Variants in LRRFIP1 observed in about 807,000 individuals in gnomAD.
LRRFIP1 encodes leucine-rich repeat flightless-interacting protein 1.
In LRRFIP1, 62 loss-of-function variants were observed where a neutral mutation model predicts 104.4. The observed-to-expected ratio is 0.59, with a 90% CI of 0.48 to 0.73. The LOEUF is 0.73. Among genes scored for constraint, LRRFIP1 ranks in the 30% least tolerant of loss-of-function variants. LRRFIP1 has a pLI of 0.00. For missense variants in LRRFIP1, 796 were observed against 824.5 expected (o/e 0.97, Z 0.42); for synonymous variants, 300 against 299.0 (o/e 1.00, Z -0.03).
intron 6 of LRRFIP1, chr2:237,721,472 T>C (rs1364256879): frequency 1.3e-5 from 2 of 152,188 alleles, no homozygotes; most frequent in African/African-American, 2.4e-5. Context: ...GGAAGTAAAA[T>C]AGAAAAACTA....
rs2057821715 is a variant in LRRFIP1, at chr2:237,746,134, C to G, written c.634-2230C>G. Among the ~76,000 whole-genome samples, 3 of 151,286 alleles carry G rather than the reference C, an allele frequency of 2.0e-5. No individual in the cohort carries two copies. The South Asian group carries it at 6.2e-4, about 31-fold the overall frequency. ...ATTGCAGTGGCATGATCTCAGCTCA[C>G]TGCAACCTCTACCTCCTGGGTTCAA... On this transcript the variant is annotated intron_variant, in intron 11 of 23. Transcript: ENST00000308482.
intron 20 of LRRFIP1, chr2:237,770,914 CCTTA>C (rs2060563267): frequency 6.6e-6 from 1 of 152,194 alleles, no homozygotes; most frequent in Non-Finnish European, 1.5e-5. Context: ...AATGTATTTG[CCTTA>C]CTTCCTACCA....
intron 7 of LRRFIP1, 117 bp from the exon 8 acceptor site, chr2:237,727,759 T>G: frequency 1.4e-6 from 1 of 726,330 alleles, no homozygotes; most frequent in East Asian, 2.5e-5. Context: ...GGACTGGTCA[T>G]TCATCCGCTC....
At chr2:237,731,409 G>A (rs1454016568) in intron 8 of LRRFIP1, among the ~76,000 whole-genome samples, 4 of 151,848 alleles carry the variant, frequency 2.6e-5, no homozygotes, top group South Asian at 2.1e-4. Flanking sequence ...GCTCCATGGC[G>A]CCCACTGCTT....
chr2:237,686,316 A>T (rs868153034), intron 1 of LRRFIP1, among the ~76,000 whole-genome samples: 1 of 152,250 alleles, frequency 6.6e-6, no homozygotes, highest in African/African-American at 2.4e-5. Context: ...TAGATGAAAA[A>T]TAAGTGTGAT....
At chr2:237,669,387 T>C (rs1385911767) in intron 1 of LRRFIP1, among the ~76,000 whole-genome samples, 1 of 152,252 alleles carries the variant, frequency 6.6e-6, no homozygotes, top group Non-Finnish European at 1.5e-5. Context: ...CTTTGTAAAT[T>C]TGACAGCTAA....
chr2:237,719,563 C>T lies in LRRFIP1; in HGVS notation c.290C>T (p.Thr97Ile), dbSNP rs1416653017. Residue 97 changes from threonine to isoleucine, a missense_variant, in exon 5 of 24, where the codon ACA becomes ATA. Thr to Ile is a moderately conservative substitution (Grantham distance 89). Transcript: ENST00000308482. ...ERYSRRSRRN[T>I]SASDEDERMS... is the part of the protein sequence containing the mutation. ...TACTCTCGTAGATCCAGAAGAAACACATCGGTTAGTACCGTGTTCATTCAT... is the reference window on the plus strand; with the variant it reads ...TACTCTCGTAGATCCAGAAGAAACATATCGGTTAGTACCGTGTTCATTCAT... The T allele has an allele frequency of 6.2e-7, 1 of 1,612,950 alleles. No homozygotes were observed. The highest frequency in any genetic ancestry group is 1.7e-5 in the Admixed American group (1 of 59,944).
At chr2:237,724,159 A>G (rs1051716183) in intron 7 of LRRFIP1, among the ~76,000 whole-genome samples, 6 of 151,950 alleles carry the variant, frequency 3.9e-5, no homozygotes, top group Admixed American at 6.6e-5. Context: ...TATGTCTCTG[A>G]CAGTTTCTGT....
chr2:237,737,028 T>G (rs2095271397), intron 10 of LRRFIP1, among the ~76,000 whole-genome samples: 1 of 152,138 alleles, frequency 6.6e-6, no homozygotes, highest in South Asian at 2.1e-4. Context: ...CAGCCCCAAG[T>G]GGTCGTGACC....
intron 1 of LRRFIP1, among the ~76,000 whole-genome samples, chr2:237,656,006 T>C (rs752628678): frequency 2.6e-5 from 4 of 152,332 alleles, no homozygotes; most frequent in Non-Finnish European, 5.9e-5. Flanking sequence ...AGTCTTTTCA[T>C]TGGGGTTATT....
chr2:237,663,434 C>A (rs1035033436), intron 1 of LRRFIP1, among the ~76,000 whole-genome samples: 2 of 152,094 alleles, frequency 1.3e-5, no homozygotes, highest in African/African-American at 4.8e-5. Context: ...TCTTTCCCCC[C>A]CCATCCCGCC....
intron 2 of LRRFIP1, among the ~76,000 whole-genome samples, chr2:237,713,635 A>G (rs1018762543): frequency 6.6e-6 from 1 of 152,088 alleles, no homozygotes; most frequent in African/African-American, 2.4e-5. Context: ...TAATGAATGA[A>G]TGAATGAATG....
At chr2:237,724,254 T>C (rs1385511557) in intron 7 of LRRFIP1, among the ~76,000 whole-genome samples, 1 of 152,226 alleles carries the variant, frequency 6.6e-6, no homozygotes, top group Non-Finnish European at 1.5e-5. Context: ...TTAAAGTGAT[T>C]CGATACTGAA....
At chr2:237,695,787 T>G (rs1033852736) in intron 1 of LRRFIP1, among the ~76,000 whole-genome samples, 2 of 152,186 alleles carry the variant, frequency 1.3e-5, no homozygotes, top group African/African-American at 4.8e-5. Flanking sequence ...GAAGCTTGTT[T>G]TCATGGAATG....
At position 237,743,142 on chromosome 2, in the gene LRRFIP1, C is replaced by T. The variant is rs543404969; in HGVS notation, c.633+3833C>T. On this transcript the variant is annotated intron_variant, in intron 11 of 23. Coordinates refer to ENST00000308482, the MANE Select transcript of LRRFIP1 (RefSeq NM_001137550.2). ...GGAAATGCTCCCAGGCCGGGGACTT[C>T]GTCAGGGACACGTATCCAGGGCCAG... is the stretch of plus-strand genomic sequence containing the variant. 5.9e-5 allele frequency among the ~76,000 whole-genome samples: 9 copies of T among 152,270 alleles called. No individual in the cohort carries two copies. In the South Asian group the frequency reaches 1.7e-3, roughly 28 times the overall value.
chr2:237,743,726 G>A (rs1049152364), intron 11 of LRRFIP1, among the ~76,000 whole-genome samples: 2 of 152,202 alleles, frequency 1.3e-5, no homozygotes, highest in Admixed American at 6.5e-5. Context: ...TGCTTGTTGG[G>A]TGATCACACG....
chr2:237,720,828 T>C lies in LRRFIP1; in HGVS notation c.345+6T>C. ...GTAGTCGTGGAAGCCTGAGGGTCAG[T>C]AACCAGAATGATGGAGTTTGCATGG... is the stretch of plus-strand genomic sequence containing the variant. On this transcript the variant is annotated splice_donor_region_variant and intron_variant, in intron 6 of 23. Transcript: ENST00000308482. 1 of 1,613,818 alleles carries C rather than the reference T, an allele frequency of 6.2e-7. No individual in the cohort carries two copies. The highest frequency in any genetic ancestry group is 8.5e-7 in the Non-Finnish European group (1 of 1,179,652).
intron 11 of LRRFIP1, among the ~76,000 whole-genome samples, chr2:237,742,460 C>T (rs1280553302): frequency 2.6e-5 from 4 of 152,156 alleles, no homozygotes; most frequent in African/African-American, 9.7e-5. Context: ...GCAGTTCCCT[C>T]GCGGATGTGT....
chr2:237,682,807 G>A (rs2091972964), intron 1 of LRRFIP1, among the ~76,000 whole-genome samples: 1 of 152,224 alleles, frequency 6.6e-6, no homozygotes, highest in Non-Finnish European at 1.5e-5. Context: ...GGCAACAGAT[G>A]TTAGATGCCG....
Sources: gnomAD v4.1 joint callset for allele counts (sites outside exome capture counted in the v4.1 genomes callset) on GRCh38, gnomAD v4.1.1 for gene constraint, MANE v1.5 for transcripts, NCBI Gene and HGNC (gene_info 2026-07-23, HGNC 2026-07-21) for gene names.